Variants in SYN3 observed in about 807,000 individuals in gnomAD.
SYN3 encodes synapsin III.
A neutral mutation model predicts 65.8 loss-of-function variants in SYN3; 35 were observed. The observed-to-expected ratio is 0.53, with a 90% CI of 0.41 to 0.70. SYN3 has a LOEUF of 0.70. Ranked by LOEUF, SYN3 falls within the 30% of genes least tolerant of loss-of-function variation. The probability of loss-of-function intolerance (pLI) is 0.00; values close to 1 mark genes in which losing one functional copy is unlikely to be tolerated. For missense variants in SYN3, 680 were observed against 749.0 expected (o/e 0.91, Z 1.08); for synonymous variants, 270 against 292.9 (o/e 0.92, Z 0.80).
intron 4 of SYN3, among the ~76,000 whole-genome samples, chr22:32,928,681 G>T (rs2050544600): frequency 6.6e-6 from 1 of 151,992 alleles, no homozygotes; most frequent in African/African-American, 2.4e-5. Context: ...CTTGAAATTT[G>T]CCAAGCTTCT....
At chr22:32,651,515 C>T (rs1243502668) in intron 6 of SYN3, among the ~76,000 whole-genome samples, 2 of 152,110 alleles carry the variant, frequency 1.3e-5, no homozygotes, top group African/African-American at 2.4e-5. Context: ...GCTCCTCTGG[C>T]TCCCCCAGGG....
At position 32,801,986 on chromosome 22, in the gene SYN3, G is replaced by GGCGGCAGCA. The variant is rs773307425; in HGVS notation, c.711+62920_711+62928dup. 1.3e-5 allele frequency: 20 copies of GGCGGCAGCA among 1,582,450 alleles called. No homozygotes were observed. Among genetic ancestry groups the GGCGGCAGCA allele is most frequent in the Non-Finnish European group, 1.6e-5 (19 of 1,171,236 alleles). Reference sequence around the variant, plus strand: ...AGAGGCGAGCAGCAGCCCCGGCAGCGGCGGCAGCAGCGGCAATGACCCCTT... The same window carrying GGCGGCAGCA: ...AGAGGCGAGCAGCAGCCCCGGCAGCGGCGGCAGCAGCGGCAGCAGCGGCAATGACCCCTT... On this transcript the variant is annotated intron_variant, in intron 6 of 13. Coordinates refer to ENST00000358763, the MANE Select transcript of SYN3 (RefSeq NM_003490.4). The surrounding 1 kb of genome is among the most constrained non-coding windows in gnomAD (Gnocchi z 4.7).
chr22:32,869,694 T>G (rs962560762), intron 4 of SYN3, among the ~76,000 whole-genome samples: 4 of 136,252 alleles, frequency 2.9e-5, no homozygotes, highest in Non-Finnish European at 6.1e-5. Flanking sequence ...ATCTTGGTTT[T>G]TTTTTTTTTT....
At chr22:32,819,120 A>C (rs1328084604) in intron 6 of SYN3, among the ~76,000 whole-genome samples, 1 of 152,234 alleles carries the variant, frequency 6.6e-6, no homozygotes, top group Non-Finnish European at 1.5e-5. Flanking sequence ...CAGATTGCTC[A>C]GGGGAATTTT....
intron 1 of SYN3, among the ~76,000 whole-genome samples, chr22:33,049,220 C>G (rs921783520): frequency 6.6e-6 from 1 of 152,158 alleles, no homozygotes; most frequent in Non-Finnish European, 1.5e-5. Context: ...GATAGATAAT[C>G]AAGAAATGTT....
chr22:32,701,014 A>C (rs759014234), intron 6 of SYN3, among the ~76,000 whole-genome samples: 1 of 152,198 alleles, frequency 6.6e-6, no homozygotes, highest in Non-Finnish European at 1.5e-5. Context: ...TAAGTCCTAT[A>C]AATTCTAAAC....
chr22:32,749,181 GCTCA>G, intron 6 of SYN3, among the ~76,000 whole-genome samples: 1 of 152,190 alleles, frequency 6.6e-6, no homozygotes, highest in South Asian at 2.1e-4. Flanking sequence ...ACGACTGTCT[GCTCA>G]CTGTGTCCTC....
chr22:32,937,143 G>A (rs962753318), intron 3 of SYN3, among the ~76,000 whole-genome samples: 7 of 152,094 alleles, frequency 4.6e-5, no homozygotes, highest in African/African-American at 1.2e-4. Flanking sequence ...AGAAATCAAC[G>A]AATAGAAACA....
chr22:32,676,744 C>T (rs372642328), intron 6 of SYN3, among the ~76,000 whole-genome samples: 4 of 150,720 alleles, frequency 2.7e-5, no homozygotes, highest in Non-Finnish European at 5.9e-5. Context: ...GGGGTTTCAC[C>T]GTGTTAGCCA....
At chr22:32,581,436 A>G (rs1444928582) in intron 7 of SYN3, among the ~76,000 whole-genome samples, 1 of 152,196 alleles carries the variant, frequency 6.6e-6, no homozygotes, top group Non-Finnish European at 1.5e-5. Context: ...TACAGGTGAG[A>G]AAAACAAAGA....
intron 6 of SYN3, among the ~76,000 whole-genome samples, chr22:32,724,961 A>T (rs1601989506): frequency 6.6e-6 from 1 of 152,186 alleles, no homozygotes; most frequent in African/African-American, 2.4e-5. Context: ...TCTACTAAAG[A>T]TACAAAAAAT....
intron 1 of SYN3, among the ~76,000 whole-genome samples, chr22:33,023,474 C>A (rs1171776165): frequency 6.6e-6 from 1 of 152,142 alleles, no homozygotes; most frequent in Non-Finnish European, 1.5e-5. Context: ...TTCATTAAAC[C>A]CCTTTCCTTT....
At chr22:32,742,796 T>C (rs746785500) in intron 6 of SYN3, among the ~76,000 whole-genome samples, 7 of 152,218 alleles carry the variant, frequency 4.6e-5, no homozygotes, top group Non-Finnish European at 8.8e-5. Flanking sequence ...TTCCCCATTG[T>C]GCATAGTATG....
intron 2 of SYN3, among the ~76,000 whole-genome samples, chr22:32,996,813 C>T (rs1011458345): frequency 3.9e-5 from 6 of 152,156 alleles, no homozygotes; most frequent in Non-Finnish European, 7.3e-5. Flanking sequence ...TCCCTGGGCA[C>T]CCTTTAAGCT....
At chr22:32,726,730 C>T (rs757529781) in intron 6 of SYN3, among the ~76,000 whole-genome samples, 3 of 152,224 alleles carry the variant, frequency 2.0e-5, no homozygotes, top group Non-Finnish European at 2.9e-5. Flanking sequence ...GTCTGCATTA[C>T]ATCCTCAAAG....
chr22:32,700,055 A>T (rs1487883286), intron 6 of SYN3, among the ~76,000 whole-genome samples: 1 of 152,224 alleles, frequency 6.6e-6, no homozygotes, highest in Non-Finnish European at 1.5e-5. Context: ...CTCCTAGAAC[A>T]AAGCTTGTTC....
chr22:32,965,829 G>C (rs1396047071), intron 3 of SYN3, among the ~76,000 whole-genome samples: 1 of 152,056 alleles, frequency 6.6e-6, no homozygotes. Flanking sequence ...CGAGTAGCTG[G>C]GACTACAGGC....
chr22:32,928,200 G>A (rs888414843), intron 4 of SYN3, among the ~76,000 whole-genome samples: 1 of 152,052 alleles, frequency 6.6e-6, no homozygotes. Context: ...CATGGTGGTG[G>A]GCGCCTGTAG....
At chr22:32,628,325 T>A (rs1414280706) in intron 6 of SYN3, among the ~76,000 whole-genome samples, 1 of 152,114 alleles carries the variant, frequency 6.6e-6, no homozygotes, top group Non-Finnish European at 1.5e-5. Flanking sequence ...AATTTACAAG[T>A]TTGAATTCTT....
Sources: gnomAD v4.1 joint callset for allele counts (sites outside exome capture counted in the v4.1 genomes callset) on GRCh38, gnomAD v4.1.1 for gene constraint, Gnocchi (gnomAD v3.1) non-coding constraint, MANE v1.5 for transcripts, NCBI Gene and HGNC (gene_info 2026-07-23, HGNC 2026-07-21) for gene names.